The following CDH13 variants were observed in gnomAD, a reference collection of about 807,000 sequenced individuals.
CDH13 encodes cadherin-13.
In CDH13, 24 loss-of-function variants were observed where a neutral mutation model predicts 63.8. The observed-to-expected ratio is 0.38, with a 90% CI of 0.27 to 0.53. The LOEUF is 0.53. Ranked by LOEUF, CDH13 falls within the 20% of genes least tolerant of loss-of-function variation. The probability of loss-of-function intolerance (pLI) is 0.85; values close to 1 mark genes in which losing one functional copy is unlikely to be tolerated. For synonymous variants in CDH13, 503 were observed against 355.3 expected (o/e 1.42, Z -4.67); for missense variants, 1,049 against 903.1 (o/e 1.16, Z -2.07).
At chr16:83,320,915 G>C (rs907474630) in intron 5 of CDH13, among the ~76,000 whole-genome samples, 2 of 152,146 alleles carry the variant, frequency 1.3e-5, no homozygotes, top group African/African-American at 4.8e-5. Flanking sequence ...CTGAGAAGAA[G>C]AAAAGAATCC....
chr16:83,150,676 A>T (rs1486955261), intron 4 of CDH13, among the ~76,000 whole-genome samples: 1 of 152,138 alleles, frequency 6.6e-6, no homozygotes, highest in East Asian at 1.9e-4. Context: ...TTGTTGTCTT[A>T]CCTATTTACT....
At chr16:83,274,444 T>C (rs1234034086) in intron 5 of CDH13, among the ~76,000 whole-genome samples, 3 of 152,212 alleles carry the variant, frequency 2.0e-5, no homozygotes, top group Admixed American at 6.5e-5. Flanking sequence ...AGAGACCCTC[T>C]GCCACAGGCT....
chr16:82,863,105 G>A (rs2040003983), intron 2 of CDH13, among the ~76,000 whole-genome samples: 1 of 152,134 alleles, frequency 6.6e-6, no homozygotes, highest in African/African-American at 2.4e-5. Flanking sequence ...CAGGATCACA[G>A]TCTCTACAAA....
chr16:83,150,286 A>G (rs1437527128), intron 4 of CDH13, among the ~76,000 whole-genome samples: 1 of 152,172 alleles, frequency 6.6e-6, no homozygotes, highest in East Asian at 1.9e-4. Flanking sequence ...AATAATAATG[A>G]CATCCCTAAT....
intron 6 of CDH13, 23 bp from the exon 7 acceptor site, chr16:83,486,454 G>A (rs1325140789): frequency 1.9e-6 from 3 of 1,602,964 alleles, no homozygotes; most frequent in South Asian, 2.2e-5. Flanking sequence ...ACCATTCCGT[G>A]CCTTTCTGTC....
chr16:83,388,173 G>A (rs938616443), intron 6 of CDH13, among the ~76,000 whole-genome samples: 1 of 151,864 alleles, frequency 6.6e-6, no homozygotes, highest in African/African-American at 2.4e-5. Flanking sequence ...ACATTTCTGG[G>A]CTAGGCATGG....
rs976092071 is a variant in CDH13, at chr16:83,457,843, A to G, written c.782-28634A>G. ...GGAAAGACATTTGTCTCTCTCCCAG[A>G]TTTCTGATTTGACAGGTCATGGCAC... On this transcript the variant is annotated intron_variant, in intron 6 of 13. Transcript: ENST00000567109. Among the ~76,000 whole-genome samples, 42 of 152,192 alleles carry G rather than the reference A, an allele frequency of 2.8e-4. 1 individual carries two copies. The highest frequency in any genetic ancestry group is 6.8e-3 in the Middle Eastern group (2 of 294).
chr16:83,705,359 A>G (rs1321205044), intron 10 of CDH13, among the ~76,000 whole-genome samples: 1 of 152,210 alleles, frequency 6.6e-6, no homozygotes, highest in Non-Finnish European at 1.5e-5. Flanking sequence ...CCGGTGGCTC[A>G]CGCCTGTAAT....
At chr16:82,646,489 T>G (rs7205417) in intron 1 of CDH13, among the ~76,000 whole-genome samples, 29 of 152,076 alleles carry the variant, frequency 1.9e-4, no homozygotes, top group African/African-American at 5.6e-4. Context: ...TCACCGCGCC[T>G]GGCCTAAGCA....
At chr16:83,668,857 T>C (rs1914242390) in intron 8 of CDH13, among the ~76,000 whole-genome samples, 1 of 152,174 alleles carries the variant, frequency 6.6e-6, no homozygotes, top group African/African-American at 2.4e-5. Context: ...ACATGGCAGG[T>C]AGCATTAATT....
rs1258335193 is a variant in CDH13 at position 83,351,506 on chromosome 16, G to A, written c.781+6500G>A. 2.6e-5 allele frequency among the ~76,000 whole-genome samples: 4 copies of A among 152,004 alleles called. No homozygotes were observed. In the South Asian group the frequency reaches 6.2e-4, roughly 24 times the overall value. ...GAATGGGAGCTCTATGTGCTTTTCCGTAAATCTCTCTCTTCACTCCTCAGG... is the reference window on the plus strand; with the variant it reads ...GAATGGGAGCTCTATGTGCTTTTCCATAAATCTCTCTCTTCACTCCTCAGG... On this transcript the variant is annotated intron_variant, in intron 6 of 13. Transcript: ENST00000567109.
At chr16:83,021,794 T>C (rs1915372596) in intron 2 of CDH13, among the ~76,000 whole-genome samples, 1 of 152,168 alleles carries the variant, frequency 6.6e-6, no homozygotes, top group Non-Finnish European at 1.5e-5. Context: ...CCCAGAACCT[T>C]ATAGAAGCTC....
At chr16:82,983,812 C>G (rs543205432) in intron 2 of CDH13, among the ~76,000 whole-genome samples, 100 of 152,256 alleles carry the variant, frequency 6.6e-4, no homozygotes, top group Non-Finnish European at 1.0e-3. Context: ...GGATATTTCA[C>G]CAGCACCTGG....
At chr16:82,812,988 G>C (rs1176968125) in intron 1 of CDH13, among the ~76,000 whole-genome samples, 5 of 152,076 alleles carry the variant, frequency 3.3e-5, no homozygotes, top group African/African-American at 4.8e-5. Context: ...AGAGGGACCT[G>C]TTAACTTTTT....
At chr16:83,341,989 C>A (rs867004630) in intron 5 of CDH13, among the ~76,000 whole-genome samples, 3 of 138,072 alleles carry the variant, frequency 2.2e-5, no homozygotes, top group Admixed American at 7.4e-5. Flanking sequence ...GTGTCCCCTG[C>A]CACACACACA....
At chr16:83,607,160 G>C (rs574935353) in intron 8 of CDH13, among the ~76,000 whole-genome samples, 1 of 152,192 alleles carries the variant, frequency 6.6e-6, no homozygotes, top group Non-Finnish European at 1.5e-5. Flanking sequence ...GCTCACACCT[G>C]TAATCCCAGC....
intron 1 of CDH13, among the ~76,000 whole-genome samples, chr16:82,657,438 A>G (rs1003687394): frequency 6.6e-6 from 1 of 152,236 alleles, no homozygotes; most frequent in Non-Finnish European, 1.5e-5. Context: ...GAAGAAAATG[A>G]TAATTCACAT....
Position 83,067,633 on chromosome 16 carries a change from A to G in CDH13, c.366+35415A>G, listed in dbSNP as rs181019306. Among the ~76,000 whole-genome samples the G allele has an allele frequency of 7.2e-3, 1,096 of 152,356 alleles. 13 individuals are homozygous for G. Among genetic ancestry groups the G allele is most frequent in the South Asian group, 0.022 (106 of 4,830 alleles). ...ACTTTAGGGATAAAATGCACAACCT[A>G]TAATAATTTTAGTGCAATTGATTTA... On this transcript the variant is annotated intron_variant, in intron 3 of 13. Transcript: ENST00000567109.
At chr16:83,613,556 G>A (rs1162572450) in intron 8 of CDH13, among the ~76,000 whole-genome samples, 1 of 152,156 alleles carries the variant, frequency 6.6e-6, no homozygotes, top group African/African-American at 2.4e-5. Context: ...ACTCAGGCCA[G>A]GCACGGTGGC....
Sources: allele counts gnomAD v4.1 joint callset (sites outside exome capture counted in the v4.1 genomes callset), GRCh38; gene constraint gnomAD v4.1.1; transcripts MANE v1.5; gene names NCBI Gene and HGNC (gene_info 2026-07-23, HGNC 2026-07-21).